The following TRRAP variants were observed in gnomAD, a reference collection of about 807,000 sequenced individuals.
TRRAP encodes transformation/transcription domain-associated protein.
Under a neutral mutation model 438.8 loss-of-function variants are expected in TRRAP, and 41 were observed. That is an observed-to-expected ratio of 0.09 (90% confidence interval 0.07 to 0.12). The LOEUF (loss-of-function observed/expected upper bound fraction) is 0.12, where lower values mean the gene tolerates loss of function less well. Ranked by LOEUF, TRRAP falls within the 10% of genes least tolerant of loss-of-function variation. The pLI, the probability that TRRAP is intolerant of heterozygous loss-of-function variation, is 1.00. For synonymous variants in TRRAP, 1,994 were observed against 1,962.9 expected, an observed-to-expected ratio of 1.02 and a Z score of -0.42; for missense variants, 3,122 against 5,055.1, an observed-to-expected ratio of 0.62 and a Z score of 11.60.
rs1554418101 is a variant in TRRAP at position 98,950,865 on chromosome 7, T to A, written c.5335-11T>A. On this transcript the variant is annotated splice_polypyrimidine_tract_variant and intron_variant, in intron 38 of 72. Coordinates refer to ENST00000456197, the MANE Select transcript of TRRAP (RefSeq NM_001375524.1). Reference sequence around the variant, plus strand: ...TGTTTTTCTCCTTCTTTATTTAAATTTTTTTTGTAGGTTCTGCAGCATATC... The same window carrying A: ...TGTTTTTCTCCTTCTTTATTTAAATATTTTTTGTAGGTTCTGCAGCATATC... 1.3e-6 allele frequency: 2 copies of A among 1,515,506 alleles called. No homozygotes were observed. The highest frequency in any genetic ancestry group is 2.4e-5 in the East Asian group (1 of 41,866). 93.9% of individuals were successfully genotyped at this position (1,515,506 alleles called of 1,614,324 possible).
chr7:98,946,258 A>G (rs1422040503), intron 33 of TRRAP, among the ~76,000 whole-genome samples: 2 of 137,946 alleles, frequency 1.4e-5, no homozygotes, highest in Non-Finnish European at 3.2e-5. Context: ...ACACATAGCT[A>G]GCAACCTCCT....
Position 98,908,599 on chromosome 7 carries a change from G to A in TRRAP, c.1116-129G>A, listed in dbSNP as rs1796899879. ...TGTATCTGGGAGAGAGTAATGTGGTGAAAATGGGCCATGTAAGTGTGCCGA... is the reference window on the plus strand; with the variant it reads ...TGTATCTGGGAGAGAGTAATGTGGTAAAAATGGGCCATGTAAGTGTGCCGA... On this transcript the variant is annotated intron_variant, in intron 13 of 72. Transcript: ENST00000456197. This position sits in a 1 kb window ranked among gnomAD's most constrained non-coding sequence, Gnocchi z 4.1. 5 of 730,466 alleles carry A rather than the reference G, an allele frequency of 6.8e-6. No individual in the cohort carries two copies. The highest frequency in any genetic ancestry group is 1.1e-5 in the Non-Finnish European group (5 of 436,192). The allele number at this position is 730,466 out of a possible 1,614,324, so 45.2% of individuals were successfully genotyped here. A position where few individuals can be genotyped will look rare whatever the true frequency, so the allele number is the denominator to read the frequency against.
chr7:98,883,008 A>G (rs1554403406), intron 3 of TRRAP, among the ~76,000 whole-genome samples: 3 of 152,182 alleles, frequency 2.0e-5, no homozygotes, highest in African/African-American at 7.2e-5. Flanking sequence ...AGGTAATTTG[A>G]TGGTGTATTC....
intron 3 of TRRAP, among the ~76,000 whole-genome samples, chr7:98,884,484 C>G (rs1554403639): frequency 6.6e-6 from 1 of 152,168 alleles, no homozygotes; most frequent in African/African-American, 2.4e-5. Context: ...ATCCACCCAC[C>G]TCAGCCTCCC....
chr7:99,010,660 TTAGTA>T (rs1339621285), intron 70 of TRRAP, among the ~76,000 whole-genome samples: 1 of 152,202 alleles, frequency 6.6e-6, no homozygotes, highest in East Asian at 1.9e-4. Flanking sequence ...ACATCTGTCA[TTAGTA>T]TAAAGTCTTG....
chr7:98,915,381 G>A (rs1396494771), intron 18 of TRRAP, among the ~76,000 whole-genome samples: 6 of 152,102 alleles, frequency 3.9e-5, no homozygotes, highest in Middle Eastern at 3.4e-3. Flanking sequence ...TAGTAGAGAC[G>A]GGGTTTCACC....
chr7:98,898,248 A>G lies in TRRAP; in HGVS notation c.633+382A>G, dbSNP rs547763078. On this transcript the variant is annotated intron_variant, in intron 8 of 72. Transcript: ENST00000456197. ...GCTCTAGGACAGAGAGCTCCAGTAC[A>G]ATGTCCTGGCCCCACTGGGGTTTTC... Among the ~76,000 whole-genome samples the G allele has an allele frequency of 2.6e-5, 4 of 152,316 alleles. No individual in the cohort carries two copies. In the East Asian group the frequency reaches 5.8e-4, roughly 22 times the overall value.
At chr7:98,881,735 A>C (rs1554403134) in intron 2 of TRRAP, 4 of 462,042 alleles carry the variant, frequency 8.7e-6, no homozygotes, top group Admixed American at 7.9e-5. Context: ...AGCCCCAAAG[A>C]GGCACGTGTG....
At chr7:98,998,286 C>T (rs1321916781) in intron 67 of TRRAP, among the ~76,000 whole-genome samples, 3 of 152,168 alleles carry the variant, frequency 2.0e-5, no homozygotes, top group East Asian at 3.9e-4. Flanking sequence ...GCTTTGAGCA[C>T]ATTATAATAT....
At chr7:98,974,711 C>G (rs1029717506) in intron 53 of TRRAP, among the ~76,000 whole-genome samples, 1 of 152,190 alleles carries the variant, frequency 6.6e-6, no homozygotes, top group East Asian at 1.9e-4. Context: ...TTTAAAAATT[C>G]TTTAAAACAT....
At position 98,994,803 on chromosome 7, in the gene TRRAP, G is replaced by T; in HGVS notation, c.10264G>T (p.Ala3422Ser). 1 of 1,613,888 alleles carries T rather than the reference G, an allele frequency of 6.2e-7. No individual in the cohort carries two copies. The highest frequency in any genetic ancestry group is 8.5e-7 in the Non-Finnish European group (1 of 1,179,756). The change falls in exon 67 of 73, where the codon GCA becomes TCA. Residue 3422 changes from alanine (A) to serine (S), a missense_variant. Physicochemically the swap from Ala to Ser is moderately conservative, Grantham distance 99. Around this residue, in one of 24 missense-constraint regions of TRRAP, gnomAD observed 107 missense variants for 327.5 expected, o/e 0.33. Coordinates refer to ENST00000456197, the MANE Select transcript of TRRAP (RefSeq NM_001375524.1). The surrounding 1 kb of genome is among the most constrained non-coding windows in gnomAD (Gnocchi z 4.8). The part of the protein sequence containing the change: ...ESLARRAQAT[A>S]QDPVFQKLKG... ...TCTGGCCCGGCGGGCGCAGGCCACT[G>T]CACAAGACCCTGTCTTTCAGAAGCT... is the stretch of plus-strand genomic sequence containing the variant.
chr7:98,987,573 C>G (rs907200417), intron 62 of TRRAP, among the ~76,000 whole-genome samples: 6 of 152,174 alleles, frequency 3.9e-5, no homozygotes, highest in South Asian at 4.1e-4. Context: ...TGTATTTGCT[C>G]TAATAGCTTT....
intron 7 of TRRAP, among the ~76,000 whole-genome samples, chr7:98,896,361 G>T (rs1796203576): frequency 6.6e-6 from 1 of 152,008 alleles, no homozygotes. Context: ...TTGCCAGTTT[G>T]GAATAGCTTC....
At chr7:98,998,952 G>A in intron 67 of TRRAP, 1 of 580,624 alleles carries the variant, frequency 1.7e-6, no homozygotes, top group Non-Finnish European at 3.1e-6. Flanking sequence ...CAAAGTTACA[G>A]CTGGAGCAGA....
intron 6 of TRRAP, among the ~76,000 whole-genome samples, 159 bp downstream of exon 6, chr7:98,894,040 TA>T (rs1196240761): frequency 6.6e-6 from 1 of 152,162 alleles, no homozygotes; most frequent in Non-Finnish European, 1.5e-5. Flanking sequence ...AACAGTGACT[TA>T]AAAAAATGTT....
chr7:98,994,676 C>T lies in TRRAP; in HGVS notation c.10137C>T (p.Pro3379=), dbSNP rs766067571. ...SGAVSDAKIT[P]HTLNFVKKLV... ...CGGTGTCCGATGCTAAAATCACCCC[C>T]CACACTCTCAATTTTGTGAAGAAGT... The change falls in exon 67 of 73, where the codon CCC becomes CCT. Residue 3379 remains proline (P), a synonymous_variant. Transcript: ENST00000456197. The surrounding 1 kb of genome is among the most constrained non-coding windows in gnomAD (Gnocchi z 4.8). 1.2e-6 allele frequency: 2 copies of T among 1,614,214 alleles called. No individual in the cohort carries two copies. Among genetic ancestry groups the T allele is most frequent in the Non-Finnish European group, 8.5e-7 (1 of 1,180,040 alleles).
At chr7:98,987,837 A>G (rs1793219322) in intron 62 of TRRAP, among the ~76,000 whole-genome samples, 1 of 152,316 alleles carries the variant, frequency 6.6e-6, no homozygotes, top group Admixed American at 6.5e-5. Flanking sequence ...TATAAGCTTG[A>G]GGAACTTCCC....
At chr7:98,950,369 A>G (rs558077594) in intron 38 of TRRAP, 107 bp downstream of exon 38, 3 of 1,301,286 alleles carry the variant, frequency 2.3e-6, no homozygotes, top group Non-Finnish European at 1.1e-6. Flanking sequence ...AATAAATAGT[A>G]GAGTGAGCCA....
At chr7:98,897,965 TAAGACA>T (rs1435105238) in intron 8 of TRRAP, 99 bp downstream of exon 8, 1 of 1,564,458 alleles carries the variant, frequency 6.4e-7, no homozygotes, top group Non-Finnish European at 8.7e-7. Context: ...TGGAGGCATT[TAAGACA>T]AACGTGTGTG....
Sources: gnomAD v4.1 joint callset for allele counts (sites outside exome capture counted in the v4.1 genomes callset) on GRCh38, gnomAD v4.1.1 for gene constraint, gnomAD v4.1.1 regional missense constraint, Gnocchi (gnomAD v3.1) non-coding constraint, MANE v1.5 for transcripts, NCBI Gene and HGNC (gene_info 2026-07-23, HGNC 2026-07-21) for gene names.